MAPRE2: variants seen among roughly 807,000 people sequenced by gnomAD.
MAPRE2 encodes microtubule associated protein RP/EB family member 2.
A neutral mutation model predicts 43.2 loss-of-function variants in MAPRE2; 13 were observed. The ratio of observed to expected loss-of-function variants is 0.30; its 90% CI spans 0.20 to 0.48. MAPRE2 has a LOEUF of 0.48. MAPRE2 is among the 20% of genes least tolerant of loss of function. MAPRE2 has a pLI of 0.99. For missense variants in MAPRE2, 161 were observed against 400.2 expected, an observed-to-expected ratio of 0.40 and a Z score of 5.10; for synonymous variants, 135 against 148.8, an observed-to-expected ratio of 0.91 and a Z score of 0.68.
chr18:35,095,054 C>T (rs1017953828), intron 2 of MAPRE2, among the ~76,000 whole-genome samples: 2 of 152,096 alleles, frequency 1.3e-5, no homozygotes, highest in Non-Finnish European at 2.9e-5. Context: ...TTTCCACCAA[C>T]ATTTGGAATG....
chr18:35,086,879 G>A (rs555808657), intron 2 of MAPRE2, among the ~76,000 whole-genome samples: 1 of 152,064 alleles, frequency 6.6e-6, no homozygotes, highest in East Asian at 1.9e-4. Flanking sequence ...CCCAAATGTG[G>A]GTGTTTTTAT....
chr18:35,127,055 T>G lies in MAPRE2; in HGVS notation c.718T>G (p.Leu240Val), dbSNP rs1909937850. ...SGSASKSDKD[L>V]ETQVIQLNEQ... ...CTCAGCATCCAAATCCGATAAAGATTTAGAAACGCAGGTCATACAGCTTAA... is the reference window on the plus strand; with the variant it reads ...CTCAGCATCCAAATCCGATAAAGATGTAGAAACGCAGGTCATACAGCTTAA... The change falls in exon 5 of 7, where the codon TTA becomes GTA. Residue 240 changes from leucine (L) to valine (V), a missense_variant. By Grantham distance (32) the Leu-to-Val change is conservative (BLOSUM62 1). Transcript: ENST00000300249. The G allele has an allele frequency of 6.2e-7, 1 of 1,613,968 alleles. No individual in the cohort carries two copies. The highest frequency in any genetic ancestry group is 1.1e-5 in the South Asian group (1 of 91,078).
intron 1 of MAPRE2, among the ~76,000 whole-genome samples, chr18:34,995,110 C>A (rs971317798): frequency 3.3e-5 from 5 of 152,150 alleles, no homozygotes; most frequent in African/African-American, 1.2e-4. Flanking sequence ...GATATTCTAG[C>A]ATCAGTGGGC....
chr18:35,004,971 A>G (rs2097031140), intron 1 of MAPRE2, among the ~76,000 whole-genome samples: 1 of 152,042 alleles, frequency 6.6e-6, no homozygotes, highest in African/African-American at 2.4e-5. Context: ...GCTTATTGGT[A>G]TGTACATTTT....
At position 35,063,628 on chromosome 18, in the gene MAPRE2, G is replaced by A. The variant is rs538439184; in HGVS notation, c.123-6567G>A. Among the ~76,000 whole-genome samples, 9 of 152,256 alleles carry A rather than the reference G, an allele frequency of 5.9e-5. No homozygotes were observed. In the East Asian group the frequency reaches 1.5e-3, roughly 26 times the overall value. On this transcript the variant is annotated intron_variant, in intron 1 of 6. Coordinates refer to ENST00000300249, the MANE Select transcript of MAPRE2 (RefSeq NM_014268.4). The stretch of plus-strand genomic sequence containing the variant: ...CAGATAGCAGTCAACCACTTATGGA[G>A]GCTGTTCTTCTGCAGATGAACTTGC...
chr18:35,075,841 G>A (rs1382524142), intron 2 of MAPRE2, among the ~76,000 whole-genome samples: 2 of 152,168 alleles, frequency 1.3e-5, no homozygotes, highest in Non-Finnish European at 2.9e-5. Context: ...ATATACTCTA[G>A]TGTCTCTACT....
intron 5 of MAPRE2, among the ~76,000 whole-genome samples, chr18:35,130,150 T>TGGGG (rs150492345): frequency 1.4e-5 from 2 of 147,152 alleles, no homozygotes; most frequent in Admixed American, 6.8e-5. Context: ...TACAGGGGGC[T>TGGGG]GGGGGGGGGT....
chr18:35,070,329 C>T lies in MAPRE2; in HGVS notation c.250+7C>T. 7 of 1,586,868 alleles carry T rather than the reference C, an allele frequency of 4.4e-6. No homozygotes were observed. The highest frequency in any genetic ancestry group is 6.0e-6 in the Non-Finnish European group (7 of 1,169,374). On this transcript the variant is annotated splice_region_variant and intron_variant, in intron 2 of 6. Coordinates refer to ENST00000300249, the MANE Select transcript of MAPRE2 (RefSeq NM_014268.4). ...GTGGAACAGCTTTGTTCAGGTAAGA[C>T]ATATTCTTTTAAGTGTTTACCTAAA...
chr18:35,076,655 T>C (rs1568994420), intron 2 of MAPRE2, among the ~76,000 whole-genome samples: 1 of 152,184 alleles, frequency 6.6e-6, no homozygotes, highest in Non-Finnish European at 1.5e-5. Context: ...AGCCCTTAAG[T>C]ACATGAAGCA....
chr18:35,050,580 A>G (rs1432975392), intron 1 of MAPRE2, among the ~76,000 whole-genome samples: 1 of 152,170 alleles, frequency 6.6e-6, no homozygotes, highest in Non-Finnish European at 1.5e-5. Flanking sequence ...ATACTCTGTG[A>G]GGATTATTTT....
chr18:35,116,595 G>C (rs979179942), intron 4 of MAPRE2, among the ~76,000 whole-genome samples: 2 of 152,192 alleles, frequency 1.3e-5, no homozygotes, highest in African/African-American at 4.8e-5. Flanking sequence ...TCAGTTTCTT[G>C]CTGAAGGCCA....
At chr18:35,014,191 G>A (rs533841286) in intron 2 of MAPRE2, among the ~76,000 whole-genome samples, 1 of 152,198 alleles carries the variant, frequency 6.6e-6, no homozygotes, top group South Asian at 2.1e-4. Flanking sequence ...AAAGTCAGAT[G>A]CAAGGCCATC....
chr18:35,030,590 T>C (rs1603391689), intron 2 of MAPRE2, among the ~76,000 whole-genome samples: 1 of 152,350 alleles, frequency 6.6e-6, no homozygotes, highest in African/African-American at 2.4e-5. Flanking sequence ...CTCCTCATTG[T>C]TAAGCATAGC....
At position 35,041,678 on chromosome 18, in the gene MAPRE2, G is replaced by A. The variant is rs368060834; in HGVS notation, c.122+17G>A. 36 of 1,613,976 alleles carry A rather than the reference G, an allele frequency of 2.2e-5. No individual in the cohort carries two copies. The highest frequency in any genetic ancestry group is 1.6e-4 in the Middle Eastern group (1 of 6,084). ...TTCCTACAGGTAATGGGGCTGGCAC[G>A]AGAGCAGCGCCGGGGACCGCCGTGA... is the stretch of plus-strand genomic sequence containing the variant. On this transcript the variant is annotated intron_variant, in intron 1 of 6. Coordinates refer to ENST00000300249, the MANE Select transcript of MAPRE2 (RefSeq NM_014268.4).
rs140634852 is a variant in MAPRE2, at chr18:35,076,957, C to T, written c.250+6635C>T. 2.2e-3 allele frequency among the ~76,000 whole-genome samples: 341 copies of T among 152,258 alleles called. 1 individual carries two copies. The highest frequency in any genetic ancestry group is 3.5e-3 in the Non-Finnish European group (237 of 68,020). The stretch of plus-strand genomic sequence containing the variant: ...AGATATATCCCTACATCCTATTACC[C>T]ATTTCTGCTGGAGTCTCTCCTGGTT... On this transcript the variant is annotated intron_variant, in intron 2 of 6. Transcript: ENST00000300249.
chr18:35,039,816 C>G (rs1183245510), upstream of MAPRE2, among the ~76,000 whole-genome samples: 1 of 152,196 alleles, frequency 6.6e-6, no homozygotes, highest in Non-Finnish European at 1.5e-5. Context: ...TAGCTTAATA[C>G]TTTATGACAC....
intron 4 of MAPRE2, among the ~76,000 whole-genome samples, chr18:35,124,767 G>A (rs1909834493): frequency 6.6e-6 from 1 of 152,188 alleles, no homozygotes; most frequent in Non-Finnish European, 1.5e-5. Flanking sequence ...TGTTAGGCTG[G>A]TGGCTGCCTC....
At chr18:35,040,796 T>C (rs1398913856), upstream of MAPRE2, among the ~76,000 whole-genome samples, 2 of 152,232 alleles carry the variant, frequency 1.3e-5, no homozygotes, top group African/African-American at 4.8e-5. Context: ...ACAGATGATC[T>C]CTTAATTTGC....
intron 2 of MAPRE2, among the ~76,000 whole-genome samples, chr18:35,074,038 AAAC>A (rs1177965030): frequency 6.6e-6 from 1 of 152,224 alleles, no homozygotes; most frequent in Non-Finnish European, 1.5e-5. Flanking sequence ...TTCTTGTGAC[AAAC>A]AACCTTTAAG....
Sources: allele counts gnomAD v4.1 joint callset (sites outside exome capture counted in the v4.1 genomes callset), GRCh38; gene constraint gnomAD v4.1.1; transcripts MANE v1.5; gene names NCBI Gene and HGNC (gene_info 2026-07-23, HGNC 2026-07-21).